The following GARNL3 variants were observed in gnomAD, a reference collection of about 807,000 sequenced individuals.
The protein encoded by GARNL3 is GTPase-activating Rap/Ran-GAP domain-like protein 3.
In GARNL3, 63 loss-of-function variants were observed where a neutral mutation model predicts 125.0. That is an observed-to-expected ratio of 0.50 (90% CI 0.41 to 0.62). The LOEUF (loss-of-function observed/expected upper bound fraction) is 0.62, where lower values mean the gene tolerates loss of function less well. Among genes scored for constraint, GARNL3 ranks in the 20% least tolerant of loss-of-function variants. The pLI, the probability that GARNL3 is intolerant of heterozygous loss-of-function variation, is 0.00. For missense variants in GARNL3, 994 were observed against 1,244.0 expected, an observed-to-expected ratio of 0.80 and a Z score of 3.02; for synonymous variants, 439 against 457.5, an observed-to-expected ratio of 0.96 and a Z score of 0.52.
At chr9:127,276,035 A>T (rs2063946664) in intron 1 of GARNL3, among the ~76,000 whole-genome samples, 1 of 151,514 alleles carries the variant, frequency 6.6e-6, no homozygotes, top group African/African-American at 2.4e-5. Context: ...TCTCCTTTTG[A>T]TGCTTCCCTT....
At chr9:127,390,511 A>G in intron 26 of GARNL3, 130 bp from the exon 27 acceptor site, 1 of 820,204 alleles carries the variant, frequency 1.2e-6, no homozygotes, top group Non-Finnish European at 1.9e-6. Context: ...GAAAATATAT[A>G]TTCTATCATC....
chr9:127,360,386 G>A (rs1349026494), intron 21 of GARNL3, among the ~76,000 whole-genome samples: 2 of 152,132 alleles, frequency 1.3e-5, no homozygotes, highest in East Asian at 3.9e-4. Context: ...GAGGATCAGC[G>A]TGTACAGCCC....
At chr9:127,378,609 A>G (rs1418858351) in intron 22 of GARNL3, among the ~76,000 whole-genome samples, 1 of 151,390 alleles carries the variant, frequency 6.6e-6, no homozygotes, top group African/African-American at 2.4e-5. Flanking sequence ...AAAAAAACAG[A>G]TAAAGGCATG....
chr9:127,346,328 C>G (rs1423637614), intron 16 of GARNL3, among the ~76,000 whole-genome samples: 3 of 152,146 alleles, frequency 2.0e-5, no homozygotes, highest in Non-Finnish European at 4.4e-5. Context: ...ATTATGAATA[C>G]ATTTACCTTA....
intron 2 of GARNL3, among the ~76,000 whole-genome samples, chr9:127,308,454 A>G (rs535836525): frequency 3.3e-5 from 5 of 152,328 alleles, no homozygotes; most frequent in African/African-American, 1.2e-4. Context: ...CTGAGTGACA[A>G]AGTTATCTGT....
chr9:127,381,672 C>T (rs1383987369), intron 22 of GARNL3, among the ~76,000 whole-genome samples: 4 of 152,146 alleles, frequency 2.6e-5, no homozygotes, highest in East Asian at 1.9e-4. Context: ...TCTCGGCTCA[C>T]TGCAAGCTCC....
At chr9:127,296,683 C>T (rs1386912570) in intron 2 of GARNL3, among the ~76,000 whole-genome samples, 1 of 151,920 alleles carries the variant, frequency 6.6e-6, no homozygotes, top group South Asian at 2.1e-4. Flanking sequence ...GTTGGCCAGG[C>T]TGGTCTCGAA....
chr9:127,323,246 G>A (rs1384161192), intron 6 of GARNL3, among the ~76,000 whole-genome samples: 1 of 152,182 alleles, frequency 6.6e-6, no homozygotes, highest in East Asian at 1.9e-4. Flanking sequence ...GAGGACTTCC[G>A]ATGCTCACAA....
intron 11 of GARNL3, among the ~76,000 whole-genome samples, chr9:127,337,531 G>A (rs556245977): frequency 6.6e-6 from 1 of 152,192 alleles, no homozygotes; most frequent in Non-Finnish European, 1.5e-5. Context: ...TGGAAGGGGA[G>A]GAAGAAGAGT....
Position 127,342,235 on chromosome 9 carries a change from A to G in GARNL3, c.1152A>G (p.Lys384=), listed in dbSNP as rs946987811. The G allele has an allele frequency of 4.3e-6, 7 of 1,611,764 alleles. No homozygotes were observed. Among genetic ancestry groups the G allele is most frequent in the Non-Finnish European group, 5.9e-6 (7 of 1,177,974 alleles). The change falls in exon 14 of 28, where the codon AAA becomes AAG. Residue 384 remains lysine (K), a synonymous_variant. Transcript: ENST00000373387. Reference sequence around the variant, plus strand: ...TTATTTTAGTAATTAATGGTGAAAAAGCCACTTTGGAAACCCCAACATTTG... The same window carrying G: ...TTATTTTAGTAATTAATGGTGAAAAGGCCACTTTGGAAACCCCAACATTTG... The part of the protein sequence containing the change: ...FLLVKLINGE[K]ATLETPTFAQ...
At chr9:127,353,773 A>G (rs769656776) in intron 17 of GARNL3, 73 bp from the exon 18 acceptor site, 9 of 989,386 alleles carry the variant, frequency 9.1e-6, no homozygotes, top group Non-Finnish European at 1.5e-5. Flanking sequence ...AAAACTACCC[A>G]CAGGCACGTT....
In GARNL3 at chr9:127,348,953, T is replaced by A; in HGVS notation, c.1461T>A (p.Asn487Lys). Residue 487 changes from asparagine to lysine, a missense_variant, in exon 17 of 28, where the codon AAT becomes AAA. Physicochemically the swap from Asn to Lys is moderately conservative, Grantham distance 94. Transcript: ENST00000373387. Reference protein sequence around the residue: ...EPWEPQCFCSNFPHEAVCADP... With the variant: ...EPWEPQCFCSKFPHEAVCADP... ...GGGAGCCCCAGTGTTTCTGCAGTAATTTCCCTCATGAAGCCGTGTGTGCAG... is the reference window on the plus strand; with the variant it reads ...GGGAGCCCCAGTGTTTCTGCAGTAAATTCCCTCATGAAGCCGTGTGTGCAG... 1 of 1,613,528 alleles carries A rather than the reference T, an allele frequency of 6.2e-7. No homozygotes were observed. The highest frequency in any genetic ancestry group is 1.1e-5 in the South Asian group (1 of 90,948).
At chr9:127,342,471 C>A (rs989516104) in intron 14 of GARNL3, 137 bp downstream of exon 14, 3 of 608,482 alleles carry the variant, frequency 4.9e-6, no homozygotes, top group South Asian at 2.1e-5. Flanking sequence ...TGTGCTGTGG[C>A]CACCATGGGC....
chr9:127,391,533 A>AAAAAAAAAAAAAAAAAATATATATAT lies in GARNL3; in HGVS notation c.2870+767_2870+768insAAAAAAAAAAAAAAAATATATATATA. 1.9e-3 allele frequency among the ~76,000 whole-genome samples: 142 copies of AAAAAAAAAAAAAAAAAATATATATAT among 75,730 alleles called. 1 individual carries two copies. The highest frequency in any genetic ancestry group is 3.6e-3 in the Non-Finnish European group (113 of 31,356). 49.7% of individuals were successfully genotyped at this position (75,730 alleles called of 152,430 possible). On this transcript the variant is annotated intron_variant, in intron 27 of 27. Coordinates refer to ENST00000373387, the MANE Select transcript of GARNL3 (RefSeq NM_032293.5). ...GCAAGACCCATCTCTACAAAAAAAA[A>AAAAAAAAAAAAAAAAAATATATATAT]ATATATATATATATATATAGGCTGG...
At chr9:127,229,033 AGGCT>A (rs1180274176) in intron 1 of GARNL3, among the ~76,000 whole-genome samples, 1 of 152,192 alleles carries the variant, frequency 6.6e-6, no homozygotes, top group Non-Finnish European at 1.5e-5. Context: ...CATGATGGCC[AGGCT>A]GGTCTCAAAC....
intron 1 of GARNL3, among the ~76,000 whole-genome samples, chr9:127,267,682 C>T (rs548649091): frequency 6.6e-6 from 1 of 152,222 alleles, no homozygotes; most frequent in African/African-American, 2.4e-5. Flanking sequence ...TTAAGAGGAG[C>T]GTGATGTTTC....
chr9:127,285,652 AT>A (rs1416130376), intron 1 of GARNL3, among the ~76,000 whole-genome samples: 1 of 152,158 alleles, frequency 6.6e-6, no homozygotes, highest in Non-Finnish European at 1.5e-5. Context: ...CTTTCTAGTT[AT>A]AATAGTTTTT....
At chr9:127,303,420 G>C (rs1329653948) in intron 2 of GARNL3, among the ~76,000 whole-genome samples, 1 of 152,128 alleles carries the variant, frequency 6.6e-6, no homozygotes, top group Non-Finnish European at 1.5e-5. Flanking sequence ...GGTTATTAGA[G>C]GGAAAAGAAG....
At chr9:127,390,806 C>T (rs769031222) in intron 27 of GARNL3, 39 bp downstream of exon 27, 9 of 1,599,446 alleles carry the variant, frequency 5.6e-6, no homozygotes, top group South Asian at 2.2e-5. Context: ...GGTGGTGGAC[C>T]TATGAGTCAC....
Sources: allele counts gnomAD v4.1 joint callset (sites outside exome capture counted in the v4.1 genomes callset), GRCh38; gene constraint gnomAD v4.1.1; transcripts MANE v1.5; gene names NCBI Gene and HGNC (gene_info 2026-07-23, HGNC 2026-07-21).